RBMXL1: variants seen among roughly 807,000 people sequenced by gnomAD.
RBMXL1 encodes RBMX like 1.
Under a neutral mutation model 29.0 loss-of-function variants are expected in RBMXL1, and 18 were observed. The ratio of observed to expected loss-of-function variants is 0.62; its 90% confidence interval spans 0.43 to 0.92. The LOEUF is 0.92. Among genes scored for constraint, RBMXL1 ranks in the 40% least tolerant of loss-of-function variants. The pLI is 0.00. For missense variants in RBMXL1, 403 were observed against 495.8 expected (o/e 0.81, Z 1.78); for synonymous variants, 141 against 170.4 (o/e 0.83, Z 1.34).
chr1:88,987,430 A>C (rs1320156945), intron 2 of RBMXL1, among the ~76,000 whole-genome samples: 1 of 152,212 alleles, frequency 6.6e-6, no homozygotes, highest in Non-Finnish European at 1.5e-5. Context: ...TTTTATGAAA[A>C]TTTTAAACCA....
At chr1:88,988,437 A>G (rs1402855392) in intron 1 of RBMXL1, 86 bp from the exon 2 acceptor site, 1 of 706,976 alleles carries the variant, frequency 1.4e-6, no homozygotes, top group Non-Finnish European at 2.4e-6. Context: ...CTGATGTATC[A>G]TAAGCTTACG....
At chr1:88,989,126 T>A (rs1677637503) in intron 1 of RBMXL1, among the ~76,000 whole-genome samples, 1 of 152,244 alleles carries the variant, frequency 6.6e-6, no homozygotes, top group African/African-American at 2.4e-5. Flanking sequence ...GAGAATGTTG[T>A]TCTCTTAAGT....
chr1:88,985,687 A>G (rs924257764), intron 2 of RBMXL1, among the ~76,000 whole-genome samples: 3 of 152,208 alleles, frequency 2.0e-5, no homozygotes, highest in Admixed American at 1.3e-4. Context: ...TGTAAGTGCT[A>G]TGGCAATTAA....
Position 88,979,908 on chromosome 1 carries a change from A to C in RBMXL1, c.*2746T>G, listed in dbSNP as rs1288197364. 1 of 152,250 alleles carries C rather than the reference A, an allele frequency of 6.6e-6. No homozygotes were observed. Among genetic ancestry groups the C allele is most frequent in the Non-Finnish European group, 1.5e-5 (1 of 68,046 alleles). The allele number at this position is 152,250 out of a possible 1,614,324, so 9.4% of individuals were successfully genotyped here. A position where few individuals can be genotyped will look rare whatever the true frequency, so the allele number is the denominator to read the frequency against. On this transcript the variant is annotated 3_prime_UTR_variant, in exon 3 of 3. Transcript: ENST00000652648. ...TTTATTCACAGTAGCCCCAAACTGG[A>C]AACAATCCCAAGGTCCATCAACAGG...
chr1:88,982,091 G>C lies in RBMXL1; in HGVS notation c.*563C>G. On this transcript the variant is annotated 3_prime_UTR_variant, in exon 3 of 3. Transcript: ENST00000652648. ...AAGGAAATGTCAGAAAGGCAAAATG[G>C]CCAGCATTATCCATTTGCTTTTTTT... 1.0e-6 allele frequency: 1 copy of C among 986,280 alleles called. No individual in the cohort carries two copies. The allele number at this position is 986,280 out of a possible 1,614,324, so 61.1% of individuals were successfully genotyped here.
chr1:88,990,617 T>C (rs536553264), intron 1 of RBMXL1, among the ~76,000 whole-genome samples: 69 of 152,298 alleles, frequency 4.5e-4, no homozygotes, highest in African/African-American at 1.6e-3. Context: ...CAATCCGCCA[T>C]TGAATGATGG....
At chr1:88,991,671 A>G (rs951290306) in intron 1 of RBMXL1, among the ~76,000 whole-genome samples, 2 of 152,234 alleles carry the variant, frequency 1.3e-5, no homozygotes, top group Non-Finnish European at 2.9e-5. Context: ...ACGAGCCTGA[A>G]ATTGCTGAAA....
At chr1:88,990,223 T>C (rs190747281) in intron 1 of RBMXL1, among the ~76,000 whole-genome samples, 2 of 152,178 alleles carry the variant, frequency 1.3e-5, no homozygotes, top group African/African-American at 4.8e-5. Flanking sequence ...CACTGATTAT[T>C]ACCTCTTTAC....
chr1:88,983,610 A>C lies in RBMXL1; in HGVS notation c.217T>G (p.Ser73Ala), dbSNP rs776615049. The change falls in exon 3 of 3, where the codon TCA becomes GCA. Residue 73 changes from serine (S) to alanine (A), a missense_variant. By Grantham distance (99) the Ser-to-Ala change is moderately conservative (BLOSUM62 1). Coordinates refer to ENST00000652648, the MANE Select transcript of RBMXL1 (RefSeq NM_001162536.3). Reference protein sequence around the residue: ...KDAARDMNGKSLDGKAIKVEQ... With the variant: ...KDAARDMNGKALDGKAIKVEQ... ...ACCTTGATGGCTTTTCCATCTAATG[A>C]CTTTCCATTCATGTCTCTGGCTGCA... The C allele has an allele frequency of 5.9e-5, 96 of 1,613,986 alleles. No homozygotes were observed. The highest frequency in any genetic ancestry group is 6.9e-5 in the Non-Finnish European group (82 of 1,180,048).
chr1:88,987,894 G>A (rs554272369), intron 2 of RBMXL1, among the ~76,000 whole-genome samples: 12 of 152,278 alleles, frequency 7.9e-5, no homozygotes, highest in South Asian at 6.2e-4. Context: ...GCAGATGTAC[G>A]TATTGTATTT....
chr1:88,986,399 G>A (rs1008984493), intron 2 of RBMXL1, among the ~76,000 whole-genome samples: 4 of 151,850 alleles, frequency 2.6e-5, no homozygotes, highest in African/African-American at 7.3e-5. Context: ...GCCGAGGCAG[G>A]TGGATCACAA....
At chr1:88,992,333 G>A (rs1208705170) in intron 1 of RBMXL1, among the ~76,000 whole-genome samples, 1 of 152,224 alleles carries the variant, frequency 6.6e-6, no homozygotes, top group Admixed American at 6.5e-5. Context: ...AGCCCAAACA[G>A]CGAAATCAAG....
rs1677839345 is a variant in RBMXL1 at position 88,992,125 on chromosome 1, C to A, written c.-341+460G>T. ...TCCCGAGTAGCTGGGACTACAGGCG[C>A]CCGCCACCACGCCCGGCTAATTTTT... is the stretch of plus-strand genomic sequence containing the variant. On this transcript the variant is annotated intron_variant, in intron 1 of 2. Coordinates refer to ENST00000652648, the MANE Select transcript of RBMXL1 (RefSeq NM_001162536.3). Among the ~76,000 whole-genome samples, 4 of 152,082 alleles carry A rather than the reference C, an allele frequency of 2.6e-5. No individual in the cohort carries two copies. In the South Asian group the frequency reaches 8.3e-4, roughly 32 times the overall value.
chr1:88,983,924 T>TGAACCTAGCA lies in RBMXL1; in HGVS notation c.-99_-98insTGCTAGGTTC. On this transcript the variant is annotated 5_prime_UTR_variant, in exon 3 of 3. Coordinates refer to ENST00000652648, the MANE Select transcript of RBMXL1 (RefSeq NM_001162536.3). ...CTAGCAGCTCAGCACCAGTGGCGGC[T>TGAACCTAGCA]GTCAGTTAGGAGGACTGAACCGCGA... 4.3e-6 allele frequency: 6 copies of TGAACCTAGCA among 1,409,170 alleles called. No homozygotes were observed. Among genetic ancestry groups the TGAACCTAGCA allele is most frequent in the Non-Finnish European group, 6.0e-6 (6 of 998,484 alleles). The allele number at this position is 1,409,170 out of a possible 1,614,324, so 87.3% of individuals were successfully genotyped here.
At position 88,982,415 on chromosome 1, in the gene RBMXL1, G is replaced by A; in HGVS notation, c.*239C>T. 1 of 915,402 alleles carries A rather than the reference G, an allele frequency of 1.1e-6. No homozygotes were observed. Among genetic ancestry groups the A allele is most frequent in the Non-Finnish European group, 1.6e-6 (1 of 644,388 alleles). The allele number at this position is 915,402 out of a possible 1,614,324, so 56.7% of individuals were successfully genotyped here. On this transcript the variant is annotated 3_prime_UTR_variant, in exon 3 of 3. Transcript: ENST00000652648. ...AAAGTTACAACACTAGTACTACAAG[G>A]CTTAACACATTTAACATTTGCTTGT...
intron 2 of RBMXL1, among the ~76,000 whole-genome samples, chr1:88,986,527 A>G (rs1436537156): frequency 6.6e-6 from 1 of 150,446 alleles, no homozygotes; most frequent in African/African-American, 2.5e-5. Context: ...CCTGGTCTCA[A>G]GCGATCCACT....
rs1189061854 is a variant in RBMXL1 at position 88,983,619 on chromosome 1, T to C, written c.208A>G (p.Asn70Asp). The C allele has an allele frequency of 5.0e-6, 8 of 1,614,078 alleles. No individual in the cohort carries two copies. In the Admixed American group the frequency reaches 1.3e-4, roughly 27 times the overall value. Residue 70 changes from asparagine (N) to aspartate (D), a missense_variant, in exon 3 of 3, where the codon AAT becomes GAT. By Grantham distance (23) the Asn-to-Asp change is conservative. Transcript: ENST00000652648. Reference protein sequence around the residue: ...ADAKDAARDMNGKSLDGKAIK... With the variant: ...ADAKDAARDMDGKSLDGKAIK... The stretch of plus-strand genomic sequence containing the variant: ...GCTTTTCCATCTAATGACTTTCCAT[T>C]CATGTCTCTGGCTGCATCCTTAGCG...
intron 1 of RBMXL1, among the ~76,000 whole-genome samples, chr1:88,990,571 A>T (rs2101106415): frequency 6.6e-6 from 1 of 152,292 alleles, no homozygotes; most frequent in African/African-American, 2.4e-5. Context: ...GGCTTTTGAC[A>T]TCTTACAATC....
chr1:88,986,352 G>C (rs931885642), intron 2 of RBMXL1, among the ~76,000 whole-genome samples: 3 of 151,434 alleles, frequency 2.0e-5, no homozygotes, highest in Admixed American at 6.6e-5. Flanking sequence ...AGGGCCAGGC[G>C]CGGTGGCTCA....
Sources: gnomAD v4.1 joint callset for allele counts (sites outside exome capture counted in the v4.1 genomes callset) on GRCh38, gnomAD v4.1.1 for gene constraint, MANE v1.5 for transcripts, NCBI Gene and HGNC (gene_info 2026-07-23, HGNC 2026-07-21) for gene names.